The following MIDEAS variants were observed in gnomAD, a reference collection of about 807,000 sequenced individuals.
MIDEAS encodes the protein mitotic deacetylase associated SANT domain protein, also known as mitotic deacetylase-associated SANT domain protein.
Under a neutral mutation model 102.7 loss-of-function variants are expected in MIDEAS, and 26 were observed. That is an observed-to-expected ratio of 0.25 (90% CI 0.19 to 0.35). The LOEUF (loss-of-function observed/expected upper bound fraction) is 0.35, where lower values mean the gene tolerates loss of function less well. MIDEAS is among the 10% of genes least tolerant of loss of function. MIDEAS has a pLI of 1.00. For synonymous variants in MIDEAS, 585 were observed against 591.0 expected, an observed-to-expected ratio of 0.99 and a Z score of 0.15; for missense variants, 1,231 against 1,435.6, an observed-to-expected ratio of 0.86 and a Z score of 2.30.
chr14:73,746,129 G>C (rs2053348430), intron 1 of MIDEAS, among the ~76,000 whole-genome samples: 1 of 152,186 alleles, frequency 6.6e-6, no homozygotes, highest in African/African-American at 2.4e-5. Flanking sequence ...AATCCTTTCA[G>C]GGCTTATGAG....
chr14:73,773,821 G>C (rs1232463695), intron 1 of MIDEAS, among the ~76,000 whole-genome samples: 1 of 151,658 alleles, frequency 6.6e-6, no homozygotes, highest in Non-Finnish European at 1.5e-5. Flanking sequence ...TCACGAGTTC[G>C]AGACCAGCCT....
chr14:73,735,128 G>A (rs965570965), intron 3 of MIDEAS, among the ~76,000 whole-genome samples: 1 of 152,082 alleles, frequency 6.6e-6, no homozygotes, highest in Non-Finnish European at 1.5e-5. Flanking sequence ...GGGAGATGCT[G>A]GTCAAACGAA....
chr14:73,788,155 G>GAA (rs71115905), upstream of MIDEAS, among the ~76,000 whole-genome samples: 30 of 130,720 alleles, frequency 2.3e-4, no homozygotes, highest in African/African-American at 7.1e-4. Context: ...CTTTGCTGGT[G>GAA]AAAAAAAAAA....
At chr14:73,740,832 G>A (rs1484990321) in intron 1 of MIDEAS, among the ~76,000 whole-genome samples, 1 of 152,204 alleles carries the variant, frequency 6.6e-6, no homozygotes. Flanking sequence ...TTCCCGACGT[G>A]GCCACTCCTC....
rs1267693953 is a variant in MIDEAS, at chr14:73,786,501, T to C, written c.-248+601A>G. On this transcript the variant is annotated intron_variant, in intron 1 of 11. Coordinates refer to the MIDEAS transcript ENST00000394071. ...AGCGATCACTGTCAGGTTTGGGACA[T>C]GGTTGGGAAGGGTAAAGGGGGAGTC... Among the ~76,000 whole-genome samples the C allele has an allele frequency of 3.9e-5, 6 of 152,164 alleles. No homozygotes were observed. The East Asian group carries it at 1.2e-3, about 29-fold the overall frequency.
rs1049926575 is a variant in MIDEAS at position 73,742,217 on chromosome 14, C to T, written c.-247-1962G>A. ...TGCGCCAGCCTGGCAAGCCCACGTG[C>T]CTCCAGGGGGCTGCGAGCCCCTCCA... On this transcript the variant is annotated intron_variant, in intron 1 of 12. Coordinates refer to ENST00000423556, the MANE Select transcript of MIDEAS (RefSeq NM_001367710.1). This position sits in a 1 kb window ranked among gnomAD's most constrained non-coding sequence, Gnocchi z 4.4. 6.6e-6 allele frequency among the ~76,000 whole-genome samples: 1 copy of T among 152,250 alleles called. No homozygotes were observed. The highest frequency in any genetic ancestry group is 2.1e-4 in the South Asian group (1 of 4,836).
In MIDEAS at chr14:73,737,028, G is replaced by C. The variant is rs757843708; in HGVS notation, c.1719C>G (p.Thr573=). ...CTTGAGCATCTGTCCCGGGGATTCG[G>C]GTGGACCGCCTGCGGGTGACGATGA... ...PSVIVTRRRS[T]RIPGTDAQAQ... The change falls in exon 3 of 13, where the codon ACC becomes ACG. Residue 573 remains threonine, a synonymous_variant. Transcript: ENST00000423556. 2 of 1,613,628 alleles carry C rather than the reference G, an allele frequency of 1.2e-6. No homozygotes were observed. The highest frequency in any genetic ancestry group is 1.7e-6 in the Non-Finnish European group (2 of 1,179,932).
At chr14:73,730,583 G>A (rs181280591) in intron 3 of MIDEAS, among the ~76,000 whole-genome samples, 135 of 152,280 alleles carry the variant, frequency 8.9e-4, no homozygotes, top group Non-Finnish European at 9.3e-4. Context: ...GTAAATATTG[G>A]CTGTTATCAC....
At chr14:73,719,146 A>G in intron 12 of MIDEAS, 138 bp from the exon 13 acceptor site, 1 of 1,463,984 alleles carries the variant, frequency 6.8e-7, no homozygotes, top group Admixed American at 2.4e-5. Flanking sequence ...CATTTTCCGA[A>G]AGCTGCCCCA....
Position 73,759,514 on chromosome 14 carries a change from C to A in MIDEAS, c.-248+249G>T, listed in dbSNP as rs558922090. Among the ~76,000 whole-genome samples, 114 of 149,968 alleles carry A rather than the reference C, an allele frequency of 7.6e-4. No homozygotes were observed. Among genetic ancestry groups the A allele is most frequent in the African/African-American group, 2.7e-3 (110 of 41,276 alleles). The stretch of plus-strand genomic sequence containing the variant: ...CTGCGCTGCACACGCAGCTGCGGGC[C>A]GAGGGCGCGGACCGCGGGGGAGGGG... On this transcript the variant is annotated intron_variant, in intron 1 of 12. Transcript: ENST00000423556. The surrounding 1 kb of genome is among the most constrained non-coding windows in gnomAD (Gnocchi z 6.7).
chr14:73,730,551 G>A (rs957334151), intron 3 of MIDEAS, among the ~76,000 whole-genome samples: 1 of 152,166 alleles, frequency 6.6e-6, no homozygotes, highest in Non-Finnish European at 1.5e-5. Flanking sequence ...GGAAATCACT[G>A]AGAACATTAC....
chr14:73,757,346 A>G (rs1228886164), intron 1 of MIDEAS, among the ~76,000 whole-genome samples: 2 of 148,042 alleles, frequency 1.4e-5, no homozygotes, highest in African/African-American at 5.0e-5. Context: ...ATTCAAGCAG[A>G]GGCTACCAAA....
At chr14:73,763,688 T>C (rs773897101), upstream of MIDEAS, among the ~76,000 whole-genome samples, 3 of 152,146 alleles carry the variant, frequency 2.0e-5, no homozygotes, top group African/African-American at 4.8e-5. Context: ...CTATGTCCCT[T>C]GTGTTCTTGT....
intron 1 of MIDEAS, among the ~76,000 whole-genome samples, chr14:73,777,308 A>G (rs998492713): frequency 1.3e-5 from 2 of 151,900 alleles, no homozygotes; most frequent in Non-Finnish European, 2.9e-5. Context: ...AACTTTCCAC[A>G]AGTCCTGATC....
upstream of MIDEAS, among the ~76,000 whole-genome samples, chr14:73,763,859 G>GTTTAA (rs2053572042): frequency 6.6e-6 from 1 of 151,918 alleles, no homozygotes; most frequent in Non-Finnish European, 1.5e-5. Flanking sequence ...CATAACAGAT[G>GTTTAA]CACTGTTTAA....
intron 1 of MIDEAS, among the ~76,000 whole-genome samples, chr14:73,751,239 T>C (rs1450665763): frequency 1.3e-5 from 2 of 152,208 alleles, no homozygotes; most frequent in African/African-American, 4.8e-5. Context: ...CACAGCAGTA[T>C]AGAGGCAAAG....
rs577459665 is a variant in MIDEAS, at chr14:73,718,495, G to T, written c.*348C>A. On this transcript the variant is annotated 3_prime_UTR_variant, in exon 13 of 13. Transcript: ENST00000423556. ...TCCTGGAGGCCGAGGGGAGGAGGGG[G>T]AAGCAAATAAAGGGAAAAGACTGCG... 283 of 189,608 alleles carry T rather than the reference G, an allele frequency of 1.5e-3. No homozygotes were observed. Among genetic ancestry groups the T allele is most frequent in the Non-Finnish European group, 2.7e-3 (250 of 93,448 alleles). The allele number at this position is 189,608 out of a possible 1,614,324, so 11.7% of individuals were successfully genotyped here.
At chr14:73,767,469 CG>C (rs1644507038) in intron 1 of MIDEAS, among the ~76,000 whole-genome samples, 1 of 150,940 alleles carries the variant, frequency 6.6e-6, no homozygotes, top group Admixed American at 6.6e-5. Flanking sequence ...AGACCTGTCT[CG>C]AAAAAAAAAT....
chr14:73,716,123 A>G lies in MIDEAS; in HGVS notation c.*2720T>C, dbSNP rs1008204761. 5 of 152,636 alleles carry G rather than the reference A, an allele frequency of 3.3e-5. No individual in the cohort carries two copies. The highest frequency in any genetic ancestry group is 1.2e-4 in the African/African-American group (5 of 41,446). The allele number at this position is 152,636 out of a possible 1,614,324, so 9.5% of individuals were successfully genotyped here. A position where few individuals can be genotyped will look rare whatever the true frequency, so the allele number is the denominator to read the frequency against. The stretch of plus-strand genomic sequence containing the variant: ...ATATAGGGGGAAAAAAACAACAAAA[A>G]GACAAGCCCAGGGAGAAAGCACCAT... On this transcript the variant is annotated 3_prime_UTR_variant, in exon 13 of 13. Coordinates refer to ENST00000423556, the MANE Select transcript of MIDEAS (RefSeq NM_001367710.1).
Sources: gnomAD v4.1 joint callset for allele counts (sites outside exome capture counted in the v4.1 genomes callset) on GRCh38, gnomAD v4.1.1 for gene constraint, Gnocchi (gnomAD v3.1) non-coding constraint, MANE v1.5 for transcripts, NCBI Gene and HGNC (gene_info 2026-07-23, HGNC 2026-07-21) for gene names.